Variants in IQGAP2 observed in about 807,000 individuals in gnomAD.
IQGAP2 encodes the protein IQ motif containing GTPase activating protein 2.
Under a neutral mutation model 201.3 loss-of-function variants are expected in IQGAP2, and 173 were observed. The observed-to-expected ratio is 0.86, with a 90% CI of 0.76 to 0.98. The LOEUF (loss-of-function observed/expected upper bound fraction) is 0.98. Ranked by LOEUF, IQGAP2 falls within the 50% of genes least tolerant of loss-of-function variation. The pLI is 0.00. For missense variants in IQGAP2, 1,687 were observed against 1,864.8 expected (o/e 0.90, Z 1.76); for synonymous variants, 675 against 673.9 (o/e 1.00, Z -0.03).
Position 76,435,059 on chromosome 5 carries a change from T to TTTG in IQGAP2, c.47-26511_47-26510insTTG, listed in dbSNP as rs60487360. Among the ~76,000 whole-genome samples, 695 of 151,406 alleles carry TTTG rather than the reference T, an allele frequency of 4.6e-3. 4 individuals carry two copies. The highest frequency in any genetic ancestry group is 0.016 in the African/African-American group (647 of 41,028). On this transcript the variant is annotated intron_variant, in intron 1 of 35. Transcript: ENST00000274364. ...TTTTTTGATGGGATTCTTTTTTTTTTCTTTTTTTTTGCTGATTTGAGTTCC... is the reference window on the plus strand; with the variant it reads ...TTTTTTGATGGGATTCTTTTTTTTTTTTGCTTTTTTTTTGCTGATTTGAGTTCC...
rs1042673220 is a variant in IQGAP2, at chr5:76,698,126, G to C, written c.4346G>C (p.Cys1449Ser). Residue 1449 changes from cysteine (C) to serine (S), a missense_variant, in exon 33 of 36, where the codon TGT becomes TCT. Physicochemically the swap from Cys to Ser is moderately radical, Grantham distance 112 (BLOSUM62 -1). Coordinates refer to ENST00000274364, the MANE Select transcript of IQGAP2 (RefSeq NM_006633.5). ...INYYDTYIKT[C>S]LDNLKRKNTR... ...TATTATGACACCTACATAAAGACTTGTTTAGACAACTTAAAAAGAAAGTAA... is the reference window on the plus strand; with the variant it reads ...TATTATGACACCTACATAAAGACTTCTTTAGACAACTTAAAAAGAAAGTAA... 21 of 1,596,372 alleles carry C rather than the reference G, an allele frequency of 1.3e-5. No homozygotes were observed.
chr5:76,491,103 C>T (rs1660687637), intron 2 of IQGAP2, among the ~76,000 whole-genome samples: 1 of 149,882 alleles, frequency 6.7e-6, no homozygotes, highest in Non-Finnish European at 1.5e-5. Flanking sequence ...TTAAAATGCT[C>T]TCACTTCCTC....
intron 16 of IQGAP2, among the ~76,000 whole-genome samples, chr5:76,640,686 T>A (rs965760589): frequency 5.9e-5 from 9 of 152,204 alleles, no homozygotes; most frequent in African/African-American, 2.2e-4. Flanking sequence ...CATCTCTGCC[T>A]CCAAATCCTG....
rs774957947 is a variant in IQGAP2 at position 76,496,725 on chromosome 5, TTTTC to T, written c.146+35122_146+35125del. Reference sequence around the variant, plus strand: ...GTCTCTTTCTTTCTTTCTTTCTTTCTTTTCTTTCTTTCTTTCTTTCTTTCTTTCT... The same window carrying T: ...GTCTCTTTCTTTCTTTCTTTCTTTCTTTTCTTTCTTTCTTTCTTTCTTTCT... On this transcript the variant is annotated intron_variant, in intron 2 of 35. Transcript: ENST00000274364. Among the ~76,000 whole-genome samples, 785 of 93,488 alleles carry T rather than the reference TTTTC, an allele frequency of 8.4e-3. 15 individuals carry two copies. The highest frequency in any genetic ancestry group is 0.064 in the East Asian group (213 of 3,348). The allele number at this position is 93,488 out of a possible 152,430, so 61.3% of individuals were successfully genotyped here. A position where few individuals can be genotyped will look rare whatever the true frequency, so the allele number is the denominator to read the frequency against.
At chr5:76,695,087 A>T (rs1395354641) in intron 31 of IQGAP2, among the ~76,000 whole-genome samples, 1 of 152,208 alleles carries the variant, frequency 6.6e-6, no homozygotes, top group Non-Finnish European at 1.5e-5. Context: ...GGGTTCTCAT[A>T]GCCACATTTC....
At chr5:76,445,823 C>T (rs1334133034) in intron 1 of IQGAP2, among the ~76,000 whole-genome samples, 1 of 152,144 alleles carries the variant, frequency 6.6e-6, no homozygotes, top group Non-Finnish European at 1.5e-5. Context: ...CATTGTCGTG[C>T]AGCCAACATG....
chr5:76,463,923 C>T (rs1580249656), intron 2 of IQGAP2, among the ~76,000 whole-genome samples: 1 of 151,684 alleles, frequency 6.6e-6, no homozygotes, highest in South Asian at 2.1e-4. Context: ...TCTCAGCTCA[C>T]TGCAACCTCT....
chr5:76,649,197 T>C (rs1274425223), intron 17 of IQGAP2, among the ~76,000 whole-genome samples: 3 of 152,192 alleles, frequency 2.0e-5, no homozygotes, highest in Non-Finnish European at 4.4e-5. Flanking sequence ...GGATTTTTCA[T>C]AACCTAAGGA....
chr5:76,533,494 A>G (rs1377303282), intron 2 of IQGAP2, among the ~76,000 whole-genome samples: 1 of 151,534 alleles, frequency 6.6e-6, no homozygotes, highest in African/African-American at 2.4e-5. Flanking sequence ...TTTTCTTTCC[A>G]TGAATTTCCT....
chr5:76,610,876 G>A (rs937268685), intron 12 of IQGAP2, 144 bp from the exon 13 acceptor site: 30 of 548,618 alleles, frequency 5.5e-5, no homozygotes, highest in African/African-American at 7.5e-5. Context: ...TATTATGAGC[G>A]TATAGACACA....
At chr5:76,500,888 A>T (rs913408309) in intron 2 of IQGAP2, among the ~76,000 whole-genome samples, 31 of 152,160 alleles carry the variant, frequency 2.0e-4, no homozygotes, top group African/African-American at 7.5e-4. Context: ...CATTTTACAG[A>T]TGTGAAACCT....
intron 2 of IQGAP2, among the ~76,000 whole-genome samples, chr5:76,496,777 CTTTCTT>C (rs1757001764): frequency 1.5e-5 from 1 of 66,056 alleles, no homozygotes; most frequent in Non-Finnish European, 2.7e-5. Flanking sequence ...TTCTTTCTTT[CTTTCTT>C]TCTTTCTTTC....
intron 2 of IQGAP2, chr5:76,510,755 C>T (rs1206787521): frequency 2.0e-6 from 1 of 491,404 alleles, no homozygotes. Context: ...GGCACCCACA[C>T]CAGACTTGCA....
intron 8 of IQGAP2, among the ~76,000 whole-genome samples, chr5:76,591,519 A>G (rs187784498): frequency 8.9e-4 from 135 of 152,272 alleles, no homozygotes; most frequent in African/African-American, 3.2e-3. Context: ...TTTCAGCTCC[A>G]TGACTGAAAG....
intron 30 of IQGAP2, 53 bp from the exon 31 acceptor site, chr5:76,693,302 T>C: frequency 8.2e-7 from 1 of 1,222,642 alleles, no homozygotes; most frequent in African/African-American, 1.5e-5. Context: ...AAACAGATTT[T>C]TGTGCATAAG....
At chr5:76,677,380 A>G in intron 28 of IQGAP2, 30 bp downstream of exon 28, 2 of 1,607,762 alleles carry the variant, frequency 1.2e-6, no homozygotes, top group Non-Finnish European at 1.7e-6. Flanking sequence ...CATCTTAGCA[A>G]TGGACCCATG....
chr5:76,499,991 C>T (rs1045015516), intron 2 of IQGAP2, among the ~76,000 whole-genome samples: 1 of 152,050 alleles, frequency 6.6e-6, no homozygotes, highest in Admixed American at 6.5e-5. Flanking sequence ...ACTTGTAGTC[C>T]CAGCTACCTG....
intron 5 of IQGAP2, among the ~76,000 whole-genome samples, chr5:76,583,960 T>C (rs189422966): frequency 6.6e-6 from 1 of 151,914 alleles, no homozygotes; most frequent in Non-Finnish European, 1.5e-5. Flanking sequence ...GCAACGTCTG[T>C]CTCCCTGGTT....
chr5:76,581,219 A>T (rs1166598126), intron 5 of IQGAP2, among the ~76,000 whole-genome samples: 1 of 152,254 alleles, frequency 6.6e-6, no homozygotes, highest in Non-Finnish European at 1.5e-5. Context: ...CTCCTCAGGC[A>T]TTAATGCATA....
Sources: gnomAD v4.1 joint callset for allele counts (sites outside exome capture counted in the v4.1 genomes callset) on GRCh38, gnomAD v4.1.1 for gene constraint, MANE v1.5 for transcripts, NCBI Gene and HGNC (gene_info 2026-07-23, HGNC 2026-07-21) for gene names.